Variants in RBFOX1 observed in about 807,000 individuals in gnomAD.
The protein encoded by RBFOX1 is RNA binding protein fox-1 homolog 1.
Under a neutral mutation model 57.7 loss-of-function variants are expected in RBFOX1, and 8 were observed. The ratio of observed to expected loss-of-function variants is 0.14; its 90% CI spans 0.08 to 0.25. The LOEUF (loss-of-function observed/expected upper bound fraction) is 0.25. Among genes scored for constraint, RBFOX1 ranks in the 10% least tolerant of loss-of-function variants. The pLI is 1.00. For missense variants in RBFOX1, 611 were observed against 548.5 expected, an observed-to-expected ratio of 1.11 and a Z score of -1.14; for synonymous variants, 326 against 222.4, an observed-to-expected ratio of 1.47 and a Z score of -4.15.
intron 4 of RBFOX1, among the ~76,000 whole-genome samples, chr16:7,176,637 C>A (rs1479676561): frequency 2.0e-5 from 3 of 152,086 alleles, no homozygotes; most frequent in East Asian, 3.9e-4. Context: ...GGTGGCAAAG[C>A]CTGAAATATT....
At chr16:6,911,633 A>G (rs2071625876) in intron 3 of RBFOX1, among the ~76,000 whole-genome samples, 1 of 152,168 alleles carries the variant, frequency 6.6e-6, no homozygotes, top group Non-Finnish European at 1.5e-5. Context: ...ACAGATCCTA[A>G]GGGGTTGGGC....
At chr16:6,519,872 A>T (rs151307929) in intron 2 of RBFOX1, among the ~76,000 whole-genome samples, 406 of 152,300 alleles carry the variant, frequency 2.7e-3, no homozygotes, top group African/African-American at 9.2e-3. Context: ...CTTAACCAGA[A>T]CTAAGGCAAC....
intron 1 of RBFOX1, among the ~76,000 whole-genome samples, chr16:6,160,716 C>A (rs1294022973): frequency 2.0e-5 from 3 of 152,146 alleles, no homozygotes; most frequent in African/African-American, 7.2e-5. Flanking sequence ...TACCTGGCAC[C>A]ACTCCCATCT....
At chr16:5,895,083 G>A (rs1177342546) in intron 4 of RBFOX1, among the ~76,000 whole-genome samples, 1 of 152,180 alleles carries the variant, frequency 6.6e-6, no homozygotes, top group African/African-American at 2.4e-5. Context: ...AACTCTGAGA[G>A]AGAGTGAATC....
chr16:5,870,583 C>T (rs939904126), intron 4 of RBFOX1, among the ~76,000 whole-genome samples: 5 of 151,678 alleles, frequency 3.3e-5, no homozygotes, highest in Admixed American at 3.3e-4. Flanking sequence ...TTTTTTATTC[C>T]AGTCTCCCAT....
At chr16:7,120,162 A>G (rs1337956326) in intron 4 of RBFOX1, among the ~76,000 whole-genome samples, 1 of 152,106 alleles carries the variant, frequency 6.6e-6, no homozygotes, top group African/African-American at 2.4e-5. Flanking sequence ...ACATTTTACA[A>G]AATATATGGT....
At chr16:6,813,601 C>T (rs1010106037) in intron 3 of RBFOX1, among the ~76,000 whole-genome samples, 12 of 152,170 alleles carry the variant, frequency 7.9e-5, no homozygotes, top group Admixed American at 3.9e-4. Context: ...CCTCTCTCTC[C>T]ACAGGTGGCT....
rs918623355 is a variant in RBFOX1 at position 6,487,586 on chromosome 16, C to T, written c.-63-167017C>T. Reference sequence around the variant, plus strand: ...AGAATCTGTCGGCAAGCTCCAATGTCATGAAGGCCAGGAAAGACTTTTCAA... The same window carrying T: ...AGAATCTGTCGGCAAGCTCCAATGTTATGAAGGCCAGGAAAGACTTTTCAA... On this transcript the variant is annotated intron_variant, in intron 2 of 15. Transcript: ENST00000550418. 6.9e-5 allele frequency among the ~76,000 whole-genome samples: 10 copies of T among 145,320 alleles called. 1 individual carries two copies. In the South Asian group the frequency reaches 1.8e-3, roughly 25 times the overall value.
At chr16:5,891,199 C>CCTAT (rs148642454) in intron 4 of RBFOX1, among the ~76,000 whole-genome samples, 1 of 151,642 alleles carries the variant, frequency 6.6e-6, no homozygotes, top group Non-Finnish European at 1.5e-5. Flanking sequence ...TAAACCCCCT[C>CCTAT]CTCTCTCTCG....
chr16:6,862,005 G>C (rs1481475521), intron 3 of RBFOX1, among the ~76,000 whole-genome samples: 1 of 151,952 alleles, frequency 6.6e-6, no homozygotes, highest in African/African-American at 2.4e-5. Context: ...ACAGACTGTG[G>C]AGTGTGTAAG....
chr16:6,229,317 C>T (rs1444359397), intron 1 of RBFOX1, among the ~76,000 whole-genome samples: 1 of 152,244 alleles, frequency 6.6e-6, no homozygotes, highest in Non-Finnish European at 1.5e-5. Flanking sequence ...TCCTGTGATT[C>T]TAAACCAGTT....
intron 3 of RBFOX1, among the ~76,000 whole-genome samples, chr16:5,864,942 T>C (rs1459466300): frequency 3.3e-5 from 5 of 152,218 alleles, no homozygotes; most frequent in Admixed American, 3.3e-4. Flanking sequence ...TGTATTTCTG[T>C]CAGATCAATG....
intron 4 of RBFOX1, among the ~76,000 whole-genome samples, chr16:7,483,081 C>T (rs1599605291): frequency 6.6e-6 from 1 of 152,154 alleles, no homozygotes; most frequent in South Asian, 2.1e-4. Flanking sequence ...CTAAAAGGTG[C>T]TACCCTTTTA....
intron 2 of RBFOX1, chr16:5,467,310 AG>A: frequency 7.0e-7 from 1 of 1,436,704 alleles, no homozygotes; most frequent in Non-Finnish European, 9.4e-7. Flanking sequence ...TGGAAATGAA[AG>A]CAATAGAAAA....
chr16:7,051,231 G>A (rs1483733622), intron 3 of RBFOX1, among the ~76,000 whole-genome samples: 2 of 152,266 alleles, frequency 1.3e-5, no homozygotes, highest in East Asian at 1.9e-4. Flanking sequence ...CCTGATGACA[G>A]AATGACCATA....
chr16:7,702,775 C>G (rs1046014189), intron 14 of RBFOX1, among the ~76,000 whole-genome samples: 7 of 152,146 alleles, frequency 4.6e-5, no homozygotes, highest in Admixed American at 3.9e-4. Flanking sequence ...TCCGGATGGG[C>G]AAAAGCAACA....
chr16:5,993,959 C>T (rs1162316808), intron 4 of RBFOX1, among the ~76,000 whole-genome samples: 5 of 152,134 alleles, frequency 3.3e-5, no homozygotes, highest in African/African-American at 1.2e-4. Flanking sequence ...AAGCACTTTG[C>T]TGCTGGGGAT....
Position 6,242,377 on chromosome 16 carries a change from T to A in RBFOX1, c.-126-74618T>A, listed in dbSNP as rs554220642. Among the ~76,000 whole-genome samples the A allele has an allele frequency of 1.1e-3, 173 of 152,216 alleles. 1 individual carries two copies. The highest frequency in any genetic ancestry group is 3.8e-3 in the African/African-American group (156 of 41,528). ...CATTCTGCTCAAGGTTTTCTTTTTT[T>A]TAAAAAAAGTCTTTATTTTATTTTA... On this transcript the variant is annotated intron_variant, in intron 1 of 15. Transcript: ENST00000550418.
chr16:6,511,611 G>T (rs1195485541), intron 2 of RBFOX1, among the ~76,000 whole-genome samples: 1 of 152,144 alleles, frequency 6.6e-6, no homozygotes, highest in African/African-American at 2.4e-5. Flanking sequence ...AATTGCCCTG[G>T]TTAGAATGAG....
Sources: allele counts gnomAD v4.1 joint callset (sites outside exome capture counted in the v4.1 genomes callset), GRCh38; gene constraint gnomAD v4.1.1; transcripts MANE v1.5; gene names NCBI Gene and HGNC (gene_info 2026-07-23, HGNC 2026-07-21).